The following FADS2 variants were observed in gnomAD, a reference collection of about 807,000 sequenced individuals.
FADS2 encodes acyl-CoA 6-desaturase.
A neutral mutation model predicts 61.2 loss-of-function variants in FADS2; 18 were observed. The observed-to-expected ratio is 0.29, with a 90% CI of 0.20 to 0.44. FADS2 has a LOEUF of 0.44. Ranked by LOEUF, FADS2 falls within the 20% of genes least tolerant of loss-of-function variation. The pLI, the probability that FADS2 is intolerant of heterozygous loss-of-function variation, is 1.00. For synonymous variants in FADS2, 203 were observed against 223.9 expected (o/e 0.91, Z 0.83); for missense variants, 322 against 572.7 (o/e 0.56, Z 4.47).
At chr11:61,863,131 T>G in intron 8 of FADS2, 62 bp downstream of exon 8, 1 of 1,524,290 alleles carries the variant, frequency 6.6e-7, no homozygotes, top group South Asian at 1.1e-5. Context: ...GGCTTTGGCA[T>G]GAGAAGAGGC....
At chr11:61,841,096 C>G (rs773880053) in intron 4 of FADS2, among the ~76,000 whole-genome samples, 11 of 151,368 alleles carry the variant, frequency 7.3e-5, no homozygotes, top group Non-Finnish European at 1.5e-4. Context: ...TCTTGTCACC[C>G]AAGCTGGAAG....
chr11:61,832,455 C>A (rs911169689), intron 1 of FADS2, among the ~76,000 whole-genome samples: 1 of 152,224 alleles, frequency 6.6e-6, no homozygotes. Context: ...CCCCAGGAAG[C>A]AGTTCTGAGA....
chr11:61,852,311 A>C (rs555722934), intron 5 of FADS2, among the ~76,000 whole-genome samples: 7 of 152,102 alleles, frequency 4.6e-5, no homozygotes, highest in African/African-American at 1.7e-4. Flanking sequence ...CCTTGGCTAG[A>C]GCGTAGTGGC....
chr11:61,848,239 GA>G lies in FADS2; in HGVS notation c.701del (p.Asn234ThrfsTer21). On this transcript the variant is annotated frameshift_variant, in exon 5 of 12. Transcript: ENST00000278840. LOFTEE classifies it high-confidence loss of function. Reference protein sequence around the residue: ...PNIFHKDPDVNMLHVFVLGEW... With the variant: ...PNIFHKDPDVXMLHVFVLGEW... ...ACATCTTCCACAAGGATCCCGATGT[GA>G]ACATGCTGCACGTGTTTGTTCTGGG... 6.2e-7 allele frequency: 1 copy of G among 1,614,216 alleles called. No individual in the cohort carries two copies. Among genetic ancestry groups the G allele is most frequent in the Non-Finnish European group, 8.5e-7 (1 of 1,180,048 alleles).
At chr11:61,840,061 A>G (rs1368489530) in intron 2 of FADS2, among the ~76,000 whole-genome samples, 2 of 152,240 alleles carry the variant, frequency 1.3e-5, no homozygotes, top group Non-Finnish European at 2.9e-5. Context: ...AGAGCTATGA[A>G]CACAGGGTGT....
chr11:61,840,581 G>T (rs201080746), intron 3 of FADS2, 43 bp from the exon 4 acceptor site: 38 of 1,613,404 alleles, frequency 2.4e-5, no homozygotes, highest in Non-Finnish European at 3.1e-5. Flanking sequence ...CCTGGTGCCT[G>T]TTTGCTGAGG....
At chr11:61,864,391 T>TTTTA (rs1488530826) in intron 10 of FADS2, among the ~76,000 whole-genome samples, 1 of 151,272 alleles carries the variant, frequency 6.6e-6, no homozygotes, top group Non-Finnish European at 1.5e-5. Flanking sequence ...TTTTTTTTAC[T>TTTTA]TTTATTTATT....
At chr11:61,817,179 C>G in intron 1 of FADS2, 1 of 197,692 alleles carries the variant, frequency 5.1e-6, no homozygotes, top group Non-Finnish European at 9.8e-6. Context: ...GGGGCCAGGG[C>G]TGCGGGGTGG....
At chr11:61,840,759 T>G (rs779839499) in intron 4 of FADS2, 34 bp downstream of exon 4, 2 of 1,481,972 alleles carry the variant, frequency 1.3e-6, no homozygotes, top group African/African-American at 2.8e-5. Flanking sequence ...TCTGTCCTGT[T>G]GGACAGCAGT....
At position 61,858,979 on chromosome 11, in the gene FADS2, C is replaced by T. The variant is rs879585954; in HGVS notation, c.882+1449C>T. On this transcript the variant is annotated intron_variant, in intron 7 of 11. Coordinates refer to ENST00000278840, the MANE Select transcript of FADS2 (RefSeq NM_004265.4). The stretch of plus-strand genomic sequence containing the variant: ...CTTTCTCAGCAGTCTATTTGTCCCT[C>T]ATGCTCCAACCAATAGCCATGGGGA... 7.2e-5 allele frequency among the ~76,000 whole-genome samples: 11 copies of T among 152,258 alleles called. 1 individual carries two copies. The highest frequency in any genetic ancestry group is 1.6e-4 in the Non-Finnish European group (11 of 68,054).
At chr11:61,821,943 G>C (rs755472875) in intron 1 of FADS2, among the ~76,000 whole-genome samples, 29 of 152,078 alleles carry the variant, frequency 1.9e-4, no homozygotes, top group Non-Finnish European at 4.3e-4. Context: ...CAGGCTCATG[G>C]AGGAATTCAC....
chr11:61,821,534 A>T, intron 1 of FADS2: 1 of 667,888 alleles, frequency 1.5e-6, no homozygotes, highest in South Asian at 1.6e-5. Context: ...AATAGCCTGG[A>T]TCCTTTACAA....
chr11:61,838,490 G>T (rs914724912), intron 2 of FADS2, among the ~76,000 whole-genome samples: 1 of 152,054 alleles, frequency 6.6e-6, no homozygotes, highest in African/African-American at 2.4e-5. Context: ...GAGAGGAGTG[G>T]TACCCACAGG....
In FADS2 at chr11:61,848,227, G is replaced by A. The variant is rs1049430775; in HGVS notation, c.687G>A (p.Lys229=). 7 of 1,614,094 alleles carry A rather than the reference G, an allele frequency of 4.3e-6. No individual in the cohort carries two copies. Among genetic ancestry groups the A allele is most frequent in the Non-Finnish European group, 5.1e-6 (6 of 1,180,044 alleles). Residue 229 remains lysine (K), a synonymous_variant, in exon 5 of 12, where the codon AAG becomes AAA. Coordinates refer to ENST00000278840, the MANE Select transcript of FADS2 (RefSeq NM_004265.4). ...ACGCCAAGCCTAACATCTTCCACAA[G>A]GATCCCGATGTGAACATGCTGCACG... is the stretch of plus-strand genomic sequence containing the variant. The part of the protein sequence containing the change: ...QHHAKPNIFH[K]DPDVNMLHVF...
At chr11:61,860,368 T>C (rs1011093155) in intron 7 of FADS2, among the ~76,000 whole-genome samples, 5 of 152,232 alleles carry the variant, frequency 3.3e-5, no homozygotes, top group Non-Finnish European at 7.3e-5. Context: ...GAGATTTACA[T>C]GCTCTGGCAA....
intron 1 of FADS2, among the ~76,000 whole-genome samples, chr11:61,833,912 A>G (rs1173132924): frequency 6.6e-6 from 1 of 152,242 alleles, no homozygotes; most frequent in Non-Finnish European, 1.5e-5. Context: ...GCCCCGTTAC[A>G]GGCACTGTGT....
intron 2 of FADS2, among the ~76,000 whole-genome samples, chr11:61,838,476 C>T (rs1376572219): frequency 2.6e-5 from 4 of 151,996 alleles, no homozygotes; most frequent in Admixed American, 2.6e-4. Context: ...AGAGTTGTTA[C>T]AAGGAGAGGA....
At chr11:61,832,854 C>T (rs2067140219) in intron 1 of FADS2, among the ~76,000 whole-genome samples, 1 of 152,214 alleles carries the variant, frequency 6.6e-6, no homozygotes, top group African/African-American at 2.4e-5. Context: ...TGTGCTTGCC[C>T]GTGCTGCACT....
At chr11:61,848,708 G>T (rs1243056748) in intron 5 of FADS2, 2 of 170,828 alleles carry the variant, frequency 1.2e-5, no homozygotes, top group African/African-American at 2.4e-5. Context: ...TTCCAGTTCA[G>T]CAGGAAGGCA....
Sources: allele counts gnomAD v4.1 joint callset (sites outside exome capture counted in the v4.1 genomes callset), GRCh38; gene constraint gnomAD v4.1.1; transcripts MANE v1.5; gene names NCBI Gene and HGNC (gene_info 2026-07-23, HGNC 2026-07-21).